Variants in RBFOX1 observed in about 807,000 individuals in gnomAD.
RBFOX1 encodes RNA binding fox-1 homolog 1.
RBFOX1 carries 8 observed loss-of-function variants against 57.7 expected under a neutral mutation model. The ratio of observed to expected loss-of-function variants is 0.14; its 90% CI spans 0.08 to 0.25. RBFOX1 has a LOEUF of 0.25. RBFOX1 is among the 10% of genes least tolerant of loss of function. The pLI, the probability that RBFOX1 is intolerant of heterozygous loss-of-function variation, is 1.00. For missense variants in RBFOX1, 611 were observed against 548.5 expected, an observed-to-expected ratio of 1.11 and a Z score of -1.14; for synonymous variants, 326 against 222.4, an observed-to-expected ratio of 1.47 and a Z score of -4.15.
intron 3 of RBFOX1, among the ~76,000 whole-genome samples, chr16:6,806,560 T>C (rs1055783024): frequency 6.6e-6 from 1 of 151,836 alleles, no homozygotes; most frequent in African/African-American, 2.4e-5. Context: ...GGAGAAGAAA[T>C]GGATTTTAAA....
At position 5,906,589 on chromosome 16, in the gene RBFOX1, G is replaced by T. The variant is rs533800785; in HGVS notation, c.351+39254G>T. Among the ~76,000 whole-genome samples the T allele has an allele frequency of 2.6e-5, 4 of 152,206 alleles. 1 individual carries two copies. In the South Asian group the frequency reaches 8.3e-4, roughly 32 times the overall value. On this transcript the variant is annotated intron_variant, in intron 4 of 19. Transcript: ENST00000641259. ...ATGGCAGCCCTCCAAACGAATACTT[G>T]CAGGAAGGCTCTTTTTCATGGGAGT...
intron 4 of RBFOX1, among the ~76,000 whole-genome samples, chr16:5,956,678 A>ACATTTT (rs764608635): frequency 1.0e-4 from 12 of 116,506 alleles, no homozygotes; most frequent in Admixed American, 2.0e-4. Context: ...ATATATATAT[A>ACATTTT]TTTTTTTTGA....
intron 4 of RBFOX1, among the ~76,000 whole-genome samples, chr16:7,140,665 G>A (rs966883424): frequency 2.0e-5 from 3 of 152,164 alleles, no homozygotes. Flanking sequence ...ATTCCTGTGT[G>A]AAACGCTGAA....
chr16:7,614,844 T>G (rs2058162567), intron 10 of RBFOX1: 1 of 152,196 alleles, frequency 6.6e-6, no homozygotes, highest in Non-Finnish European at 1.5e-5. Context: ...AATTATGAAG[T>G]CAAGGTTTCT....
intron 10 of RBFOX1, among the ~76,000 whole-genome samples, chr16:7,623,089 G>A (rs1477027803): frequency 6.6e-6 from 1 of 152,170 alleles, no homozygotes; most frequent in African/African-American, 2.4e-5. Flanking sequence ...AGAAGTTTGA[G>A]GCTTATGGGT....
chr16:7,612,103 C>T (rs990547209), intron 10 of RBFOX1, among the ~76,000 whole-genome samples: 9 of 151,882 alleles, frequency 5.9e-5, no homozygotes, highest in Non-Finnish European at 1.3e-4. Context: ...AGGTGGATCA[C>T]GAGGTCAGGG....
intron 4 of RBFOX1, among the ~76,000 whole-genome samples, chr16:7,305,508 C>T (rs1478415714): frequency 6.6e-6 from 1 of 152,162 alleles, no homozygotes; most frequent in Non-Finnish European, 1.5e-5. Flanking sequence ...AGTGATTATA[C>T]TCATTTTATC....
chr16:7,261,608 G>C (rs1435703092), intron 4 of RBFOX1, among the ~76,000 whole-genome samples: 1 of 152,136 alleles, frequency 6.6e-6, no homozygotes, highest in Non-Finnish European at 1.5e-5. Flanking sequence ...AGGCAGTATA[G>C]AATGAGGCTC....
intron 3 of RBFOX1, among the ~76,000 whole-genome samples, chr16:6,956,037 C>T (rs952357799): frequency 2.6e-4 from 39 of 152,098 alleles, no homozygotes; most frequent in African/African-American, 8.9e-4. Flanking sequence ...GGTGAGGACA[C>T]ATTTTTGATT....
At chr16:5,671,850 G>A (rs557154749) in intron 3 of RBFOX1, among the ~76,000 whole-genome samples, 28 of 152,318 alleles carry the variant, frequency 1.8e-4, no homozygotes, top group African/African-American at 6.5e-4. Context: ...AAGTTGCAGT[G>A]TGAGCTGGGG....
intron 2 of RBFOX1, among the ~76,000 whole-genome samples, chr16:5,470,625 G>A (rs1199914653): frequency 6.6e-6 from 1 of 152,074 alleles, no homozygotes; most frequent in Non-Finnish European, 1.5e-5. Flanking sequence ...AATCCATGCA[G>A]CATCTGAGCA....
chr16:6,593,192 CATAAA>C (rs951674965), intron 2 of RBFOX1, among the ~76,000 whole-genome samples: 3 of 151,994 alleles, frequency 2.0e-5, no homozygotes, highest in Admixed American at 6.6e-5. Context: ...AACTCTGTCT[CATAAA>C]ATAAAATAAA....
At chr16:7,014,600 T>C (rs751467497) in intron 3 of RBFOX1, among the ~76,000 whole-genome samples, 24 of 152,022 alleles carry the variant, frequency 1.6e-4, no homozygotes, top group Non-Finnish European at 2.9e-4. Context: ...GGGATAACTG[T>C]CTTTGCAAAA....
chr16:5,745,921 G>A (rs1047926387), intron 3 of RBFOX1, among the ~76,000 whole-genome samples: 1 of 152,140 alleles, frequency 6.6e-6, no homozygotes. Context: ...TTCTTTTGCT[G>A]TGCAGAAGCT....
At chr16:7,157,044 C>T (rs564788651) in intron 4 of RBFOX1, among the ~76,000 whole-genome samples, 18 of 152,312 alleles carry the variant, frequency 1.2e-4, no homozygotes, top group South Asian at 2.1e-4. Context: ...ACAAGGAGCT[C>T]TCCTGTTTTT....
At chr16:6,207,727 A>C (rs1598369539) in intron 1 of RBFOX1, among the ~76,000 whole-genome samples, 1 of 152,046 alleles carries the variant, frequency 6.6e-6, no homozygotes, top group Non-Finnish European at 1.5e-5. Flanking sequence ...TCACTCTGTC[A>C]CTCAGGCTGG....
At chr16:7,524,275 C>G (rs2078179192) in intron 5 of RBFOX1, among the ~76,000 whole-genome samples, 1 of 152,062 alleles carries the variant, frequency 6.6e-6, no homozygotes, top group Non-Finnish European at 1.5e-5. Flanking sequence ...GAGGATGCAC[C>G]CAGAGCTCCC....
chr16:5,967,665 C>G (rs1015243637), intron 4 of RBFOX1, among the ~76,000 whole-genome samples: 2 of 152,154 alleles, frequency 1.3e-5, no homozygotes, highest in Admixed American at 6.6e-5. Context: ...AATCTATTCT[C>G]TGTTTTATCT....
At chr16:6,931,983 A>C (rs1016884635) in intron 3 of RBFOX1, among the ~76,000 whole-genome samples, 48 of 152,160 alleles carry the variant, frequency 3.2e-4, no homozygotes, top group Non-Finnish European at 1.2e-4. Context: ...TCCCAAGATA[A>C]CTAACCCACT....
Sources: gnomAD v4.1 joint callset for allele counts (sites outside exome capture counted in the v4.1 genomes callset) on GRCh38, gnomAD v4.1.1 for gene constraint, MANE v1.5 for transcripts, NCBI Gene and HGNC (gene_info 2026-07-23, HGNC 2026-07-21) for gene names.